The following SOX5 variants were observed in gnomAD, a reference collection of about 807,000 sequenced individuals.
SOX5 encodes the protein transcription factor SOX-5.
Under a neutral mutation model 92.0 loss-of-function variants are expected in SOX5, and 9 were observed. The ratio of observed to expected loss-of-function variants is 0.10; its 90% CI spans 0.06 to 0.17. SOX5 has a LOEUF of 0.17. SOX5 is among the 10% of genes least tolerant of loss of function. The probability of loss-of-function intolerance (pLI) is 1.00; values close to 1 mark genes in which losing one functional copy is unlikely to be tolerated. For missense variants in SOX5, 642 were observed against 944.5 expected (o/e 0.68, Z 4.20); for synonymous variants, 344 against 336.3 (o/e 1.02, Z -0.25).
intron 4 of SOX5, among the ~76,000 whole-genome samples, chr12:24,116,888 A>T (rs558402881): frequency 6.6e-6 from 1 of 152,076 alleles, no homozygotes; most frequent in East Asian, 1.9e-4. Flanking sequence ...ATATGTGTAT[A>T]CATATTTATG....
intron 4 of SOX5, among the ~76,000 whole-genome samples, chr12:24,096,073 A>G (rs975396780): frequency 6.6e-6 from 1 of 152,042 alleles, no homozygotes; most frequent in Non-Finnish European, 1.5e-5. Flanking sequence ...CATTTTTACT[A>G]TTAACTTTTA....
chr12:24,489,420 G>T (rs1946830738), intron 1 of SOX5, among the ~76,000 whole-genome samples: 1 of 152,104 alleles, frequency 6.6e-6, no homozygotes, highest in Non-Finnish European at 1.5e-5. Flanking sequence ...TTCCCTGGGG[G>T]TCTAAGTGGA....
At chr12:23,897,143 C>T (rs2097185466) in intron 1 of SOX5, among the ~76,000 whole-genome samples, 1 of 152,156 alleles carries the variant, frequency 6.6e-6, no homozygotes, top group Non-Finnish European at 1.5e-5. Flanking sequence ...TTTACAAAAT[C>T]ATTCATTCTT....
intron 1 of SOX5, among the ~76,000 whole-genome samples, chr12:24,370,667 G>A (rs564698142): frequency 8.6e-5 from 13 of 151,680 alleles, no homozygotes; most frequent in East Asian, 3.9e-4. Context: ...GGGCACGCGC[G>A]TGTAGTCCCA....
chr12:24,243,171 T>C (rs1417607412), intron 3 of SOX5, among the ~76,000 whole-genome samples: 1 of 152,210 alleles, frequency 6.6e-6, no homozygotes, highest in African/African-American at 2.4e-5. Context: ...AAGAACCCCA[T>C]GAACCTGGAA....
Position 23,727,859 on chromosome 12 carries a change from C to CT in SOX5, c.810+6824dup, listed in dbSNP as rs1424460539. On this transcript the variant is annotated intron_variant, in intron 6 of 14. Transcript: ENST00000451604. The stretch of plus-strand genomic sequence containing the variant: ...GAGCTTGAGATGGTTGCTTTCATTT[C>CT]TTTTTGGTACTTTCTTAGCCATGTA... 2.0e-5 allele frequency among the ~76,000 whole-genome samples: 3 copies of CT among 152,036 alleles called. No individual in the cohort carries two copies. The East Asian group carries it at 5.8e-4, about 29-fold the overall frequency.
At chr12:24,469,545 A>G (rs534028554) in intron 1 of SOX5, among the ~76,000 whole-genome samples, 1 of 152,270 alleles carries the variant, frequency 6.6e-6, no homozygotes, top group African/African-American at 2.4e-5. Context: ...ATGCCTTTAG[A>G]TATTCCATTG....
At chr12:24,428,900 C>G (rs1937644810) in intron 1 of SOX5, among the ~76,000 whole-genome samples, 1 of 151,988 alleles carries the variant, frequency 6.6e-6, no homozygotes, top group African/African-American at 2.4e-5. Flanking sequence ...GTTCAAATAC[C>G]ATTTATATCA....
chr12:24,447,555 T>C lies in SOX5; in HGVS notation c.-250-78916A>G, dbSNP rs144744243. On this transcript the variant is annotated intron_variant, in intron 1 of 4. Transcript: ENST00000446891. ...GGAAAAAAAACTAAAGACATCTAAA[T>C]AAAGTAGAGTTGACTTAGTAGCATT... Among the ~76,000 whole-genome samples, 279 of 152,252 alleles carry C rather than the reference T, an allele frequency of 1.8e-3. 2 individuals carry two copies. Among genetic ancestry groups the C allele is most frequent in the African/African-American group, 6.3e-3 (260 of 41,560 alleles).
intron 1 of SOX5, among the ~76,000 whole-genome samples, chr12:24,518,266 A>C (rs930511111): frequency 1.3e-4 from 19 of 151,918 alleles, no homozygotes; most frequent in African/African-American, 4.6e-4. Flanking sequence ...ACGGGGTTTC[A>C]CCATGTTGGC....
chr12:24,153,461 A>C (rs1234295628), intron 4 of SOX5, among the ~76,000 whole-genome samples: 1 of 152,146 alleles, frequency 6.6e-6, no homozygotes, highest in Admixed American at 6.6e-5. Context: ...TACTTTGCCT[A>C]CTGCTGTTTC....
At chr12:23,919,371 T>C (rs537819802) in intron 1 of SOX5, among the ~76,000 whole-genome samples, 1 of 152,360 alleles carries the variant, frequency 6.6e-6, no homozygotes, top group South Asian at 2.1e-4. Flanking sequence ...GTACATAAGT[T>C]TGTGACCTTT....
chr12:23,839,665 T>G (rs2096487196), intron 3 of SOX5, among the ~76,000 whole-genome samples: 1 of 152,094 alleles, frequency 6.6e-6, no homozygotes, highest in Non-Finnish European at 1.5e-5. Context: ...TATTCCAAGT[T>G]TGCAAAGCCT....
chr12:23,629,412 C>T (rs539722828), intron 8 of SOX5, among the ~76,000 whole-genome samples: 4 of 152,064 alleles, frequency 2.6e-5, no homozygotes, highest in Admixed American at 6.5e-5. Context: ...GCTAGGATTC[C>T]GGGCACCCTT....
At chr12:23,584,662 T>C (rs1566041109) in intron 9 of SOX5, 1 of 1,402,008 alleles carries the variant, frequency 7.1e-7, no homozygotes, top group Non-Finnish European at 1.0e-6. Context: ...CATGCATTGG[T>C]TTATATTTGG....
At chr12:23,742,235 T>C (rs999056059) in intron 4 of SOX5, among the ~76,000 whole-genome samples, 1 of 152,188 alleles carries the variant, frequency 6.6e-6, no homozygotes, top group Non-Finnish European at 1.5e-5. Context: ...TAGTAGCTTA[T>C]AATTTTTATA....
intron 2 of SOX5, among the ~76,000 whole-genome samples, chr12:24,337,959 T>C (rs1037484549): frequency 6.6e-6 from 1 of 151,998 alleles, no homozygotes; most frequent in Non-Finnish European, 1.5e-5. Context: ...AAAAGATGAG[T>C]TTTTCTTCTA....
intron 10 of SOX5, among the ~76,000 whole-genome samples, chr12:23,569,695 A>G (rs1947803899): frequency 6.6e-6 from 1 of 152,116 alleles, no homozygotes; most frequent in South Asian, 2.1e-4. Context: ...CTGTATCCCA[A>G]GTTTTTCTCT....
chr12:23,855,865 T>C (rs1320749596), intron 2 of SOX5, among the ~76,000 whole-genome samples: 1 of 152,122 alleles, frequency 6.6e-6, no homozygotes, highest in Non-Finnish European at 1.5e-5. Flanking sequence ...CAGTCCGCTC[T>C]GTTACGCCAC....
Sources: allele counts gnomAD v4.1 joint callset (sites outside exome capture counted in the v4.1 genomes callset), GRCh38; gene constraint gnomAD v4.1.1; transcripts MANE v1.5; gene names NCBI Gene and HGNC (gene_info 2026-07-23, HGNC 2026-07-21).